The following EIF2S3B variants were observed in gnomAD, a reference collection of about 807,000 sequenced individuals.
EIF2S3B encodes eukaryotic translation initiation factor 2 subunit gamma B.
In EIF2S3B, 16 loss-of-function variants were observed where a neutral mutation model predicts 26.4. The ratio of observed to expected loss-of-function variants is 0.61; its 90% CI spans 0.41 to 0.92. The LOEUF is 0.92. EIF2S3B is among the 40% of genes least tolerant of loss of function. The pLI is 0.00. For synonymous variants in EIF2S3B, 183 were observed against 204.4 expected, an observed-to-expected ratio of 0.90 and a Z score of 0.89; for missense variants, 510 against 575.5, an observed-to-expected ratio of 0.89 and a Z score of 1.16.
At chr12:10,517,936 A>C (rs1445500129) in intron 1 of EIF2S3B, among the ~76,000 whole-genome samples, 1 of 151,902 alleles carries the variant, frequency 6.6e-6, no homozygotes, top group Non-Finnish European at 1.5e-5. Flanking sequence ...TGAGTTTCTT[A>C]ATCCTGAGTT....
At chr12:10,508,731 AT>A (rs1200280170), downstream of EIF2S3B, among the ~76,000 whole-genome samples, 3 of 151,730 alleles carry the variant, frequency 2.0e-5, no homozygotes, top group East Asian at 1.9e-4. Flanking sequence ...GAATAATCAA[AT>A]TTTTTCTTTT....
At chr12:10,509,530 T>C (rs1435211432), downstream of EIF2S3B, among the ~76,000 whole-genome samples, 4 of 152,026 alleles carry the variant, frequency 2.6e-5, no homozygotes, top group Non-Finnish European at 5.9e-5. Context: ...CTAATTCTCA[T>C]CCAATTTTTA....
chr12:10,505,929 T>G lies in EIF2S3B; in HGVS notation c.27T>G (p.Thr9=), dbSNP rs1220423413. The G allele has an allele frequency of 6.2e-7, 1 of 1,600,682 alleles. No homozygotes were observed. Among genetic ancestry groups the G allele is most frequent in the Non-Finnish European group, 8.6e-7 (1 of 1,167,878 alleles). ...TGGCGGGCGGAGAAGCTGGGGTGAC[T>G]CTGGGGCAGCCGCACCTTTCGCGTC... The part of the protein sequence containing the change: MAGGEAGV[T]LGQPHLSRQD... Residue 9 remains threonine, a synonymous_variant, in exon 1 of 1, where the codon ACT becomes ACG. Coordinates refer to ENST00000538173, the MANE Select transcript of EIF2S3B (RefSeq NM_001357734.3).
Position 10,505,916 on chromosome 12 carries a change from A to C in EIF2S3B, c.14A>C (p.Glu5Ala), listed in dbSNP as rs202174151. 8.8e-6 allele frequency: 14 copies of C among 1,596,782 alleles called. No homozygotes were observed. The highest frequency in any genetic ancestry group is 1.2e-5 in the Non-Finnish European group (14 of 1,165,058). The change falls in exon 1 of 1, where the codon GAA (glutamate) becomes GCA (alanine). Residue 5 changes from glutamate (E) to alanine (A), a missense_variant. Coordinates refer to ENST00000538173, the MANE Select transcript of EIF2S3B (RefSeq NM_001357734.3). MAGG[E>A]AGVTLGQPHL... ...TCTTTTGGCAACATGGCGGGCGGAG[A>C]AGCTGGGGTGACTCTGGGGCAGCCG...
Position 10,507,716 on chromosome 12 carries a change from C to G in EIF2S3B, c.*395C>G, listed in dbSNP as rs575806418. ...CAAGCGATTCTCCTGCCTCAGCCCC[C>G]CAAGTAGCTGAGATTACAGGTGTGT... On this transcript the variant is annotated 3_prime_UTR_variant, in exon 1 of 1. Coordinates refer to ENST00000538173, the MANE Select transcript of EIF2S3B (RefSeq NM_001357734.3). Among the ~76,000 whole-genome samples the G allele has an allele frequency of 6.6e-6, 1 of 152,256 alleles. No individual in the cohort carries two copies. Among genetic ancestry groups the G allele is most frequent in the South Asian group, 2.1e-4 (1 of 4,812 alleles).
intron 1 of EIF2S3B, among the ~76,000 whole-genome samples, chr12:10,519,235 C>T (rs1864802144): frequency 6.6e-6 from 1 of 152,096 alleles, no homozygotes; most frequent in African/African-American, 2.4e-5. Context: ...CTTTGACAAA[C>T]CTGAGAAAAT....
chr12:10,507,528 G>C lies in EIF2S3B; in HGVS notation c.*207G>C. The C allele has an allele frequency of 1.6e-5, 10 of 621,168 alleles. No individual in the cohort carries two copies. Among genetic ancestry groups the C allele is most frequent in the Non-Finnish European group, 2.8e-5 (10 of 358,658 alleles). The allele number at this position is 621,168 out of a possible 1,614,324, so 38.5% of individuals were successfully genotyped here. A position where few individuals can be genotyped will look rare whatever the true frequency, so the allele number is the denominator to read the frequency against. ...TAGTATAAAAATTGGCATAATGTTG[G>C]ATTGAATCTACATTTTGGCAGAAGT... is the stretch of plus-strand genomic sequence containing the variant. On this transcript the variant is annotated 3_prime_UTR_variant, in exon 1 of 1. Coordinates refer to ENST00000538173, the MANE Select transcript of EIF2S3B (RefSeq NM_001357734.3).
At chr12:10,511,572 C>T (rs1864704550), downstream of EIF2S3B, among the ~76,000 whole-genome samples, 2 of 151,934 alleles carry the variant, frequency 1.3e-5, no homozygotes, top group South Asian at 4.2e-4. Flanking sequence ...TAAATAAAAC[C>T]ATTTATAAAT....
intron 1 of EIF2S3B, among the ~76,000 whole-genome samples, chr12:10,521,990 C>T (rs1402102014): frequency 6.6e-6 from 1 of 152,174 alleles, no homozygotes; most frequent in African/African-American, 2.4e-5. Flanking sequence ...AGACATTAAA[C>T]TAAACCATCT....
At chr12:10,514,922 A>AT (rs1702361469) in intron 1 of EIF2S3B, among the ~76,000 whole-genome samples, 1 of 152,120 alleles carries the variant, frequency 6.6e-6, no homozygotes, top group African/African-American at 2.4e-5. Context: ...ATATCTGCTC[A>AT]TGTAACATGA....
At position 10,506,900 on chromosome 12, in the gene EIF2S3B, C is replaced by T. The variant is rs1864639965; in HGVS notation, c.998C>T (p.Pro333Leu). 1 of 1,613,596 alleles carries T rather than the reference C, an allele frequency of 6.2e-7. No individual in the cohort carries two copies. The highest frequency in any genetic ancestry group is 1.3e-5 in the African/African-American group (1 of 74,886). Reference protein sequence around the residue: ...AEHNDLQYAAPGGLIGVGTKI... With the variant: ...AEHNDLQYAALGGLIGVGTKI... ...CATAATGATCTGCAATATGCTGCTC[C>T]AGGCGGTCTTATTGGAGTTGGAACA... The change falls in exon 1 of 1, where the codon CCA (proline) becomes CTA (leucine). Residue 333 changes from proline to leucine, a missense_variant. Transcript: ENST00000538173.
chr12:10,510,597 T>C (rs1337842376), downstream of EIF2S3B, among the ~76,000 whole-genome samples: 1 of 152,160 alleles, frequency 6.6e-6, no homozygotes, highest in East Asian at 1.9e-4. Context: ...TTTAGAGACA[T>C]GTACACTTTA....
downstream of EIF2S3B, among the ~76,000 whole-genome samples, chr12:10,512,105 T>G (rs1427745406): frequency 6.6e-6 from 1 of 152,164 alleles, no homozygotes; most frequent in Non-Finnish European, 1.5e-5. Context: ...AAAAGACAAA[T>G]GAAAGACATC....
intron 1 of EIF2S3B, among the ~76,000 whole-genome samples, chr12:10,520,601 A>G (rs542248996): frequency 5.0e-4 from 76 of 152,272 alleles, no homozygotes; most frequent in Middle Eastern, 3.4e-3. Flanking sequence ...ACTTGACAAT[A>G]TATTTTCAGA....
At chr12:10,520,771 G>A (rs546454611) in intron 1 of EIF2S3B, among the ~76,000 whole-genome samples, 5 of 152,194 alleles carry the variant, frequency 3.3e-5, no homozygotes, top group South Asian at 2.1e-4. Context: ...GAATCCTTTC[G>A]AACAGCATAA....
downstream of EIF2S3B, among the ~76,000 whole-genome samples, chr12:10,509,370 T>A (rs1409725332): frequency 1.3e-5 from 2 of 152,100 alleles, no homozygotes; most frequent in African/African-American, 4.8e-5. Flanking sequence ...CAATCTTACC[T>A]TTCTTCTGAA....
chr12:10,509,962 CAGTA>C (rs1169793981), downstream of EIF2S3B, among the ~76,000 whole-genome samples: 1 of 152,044 alleles, frequency 6.6e-6, no homozygotes, highest in Non-Finnish European at 1.5e-5. Flanking sequence ...ATGGACATGA[CAGTA>C]AGAGATCATC....
At chr12:10,509,958 A>G (rs1864688609), downstream of EIF2S3B, among the ~76,000 whole-genome samples, 1 of 152,104 alleles carries the variant, frequency 6.6e-6, no homozygotes, top group Admixed American at 6.6e-5. Context: ...TTCCATGGAC[A>G]TGACAGTAAG....
downstream of EIF2S3B, among the ~76,000 whole-genome samples, chr12:10,512,897 C>T (rs1287465825): frequency 6.6e-6 from 1 of 152,012 alleles, no homozygotes; most frequent in Non-Finnish European, 1.5e-5. Context: ...ATTTTTAGAC[C>T]TTGAGGTGCC....
Sources: allele counts gnomAD v4.1 joint callset (sites outside exome capture counted in the v4.1 genomes callset), GRCh38; gene constraint gnomAD v4.1.1; transcripts MANE v1.5; gene names NCBI Gene and HGNC (gene_info 2026-07-23, HGNC 2026-07-21).